GRID2: variants seen among roughly 807,000 people sequenced by gnomAD.
GRID2 encodes glutamate receptor ionotropic, delta-2.
In GRID2, 33 loss-of-function variants were observed where a neutral mutation model predicts 114.8. The ratio of observed to expected loss-of-function variants is 0.29; its 90% CI spans 0.22 to 0.38. The LOEUF is 0.38. Among genes scored for constraint, GRID2 ranks in the 10% least tolerant of loss-of-function variants. The pLI is 1.00. For missense variants in GRID2, 1,184 were observed against 1,257.7 expected (o/e 0.94, Z 0.89); for synonymous variants, 505 against 449.9 (o/e 1.12, Z -1.55).
intron 1 of GRID2, among the ~76,000 whole-genome samples, chr4:92,556,119 G>A (rs549586637): frequency 6.6e-6 from 1 of 152,280 alleles, no homozygotes; most frequent in South Asian, 2.1e-4. Flanking sequence ...GTCCTAAGGT[G>A]AGAAGGAGGG....
At chr4:92,845,989 A>G (rs1578293475) in intron 2 of GRID2, among the ~76,000 whole-genome samples, 1 of 151,896 alleles carries the variant, frequency 6.6e-6, no homozygotes, top group African/African-American at 2.4e-5. Context: ...CCTCAAAGCT[A>G]TTTAGGTTTT....
At chr4:93,037,558 T>A (rs1725042822) in intron 2 of GRID2, among the ~76,000 whole-genome samples, 1 of 152,132 alleles carries the variant, frequency 6.6e-6, no homozygotes, top group Non-Finnish European at 1.5e-5. Context: ...TCTTCTAGGG[T>A]TTTTAAGGTT....
rs552818317 is a variant in GRID2 at position 93,621,945 on chromosome 4, G to C, written c.2194-4324G>C. 5.9e-5 allele frequency among the ~76,000 whole-genome samples: 9 copies of C among 152,248 alleles called. No individual in the cohort carries two copies. The East Asian group carries it at 1.7e-3, about 29-fold the overall frequency. On this transcript the variant is annotated intron_variant, in intron 13 of 15. Coordinates refer to ENST00000282020, the MANE Select transcript of GRID2 (RefSeq NM_001510.4). The stretch of plus-strand genomic sequence containing the variant: ...TAAGTAGAGCTCTACAGTTCACAAA[G>C]CATTGACAACAATGCTAGAAAACTT...
At chr4:92,823,869 C>T (rs1420513337) in intron 2 of GRID2, among the ~76,000 whole-genome samples, 3 of 152,076 alleles carry the variant, frequency 2.0e-5, no homozygotes, top group East Asian at 1.9e-4. Flanking sequence ...CCTGACAGGT[C>T]GAACTGTTTG....
At chr4:92,653,753 A>C (rs1017624386) in intron 2 of GRID2, among the ~76,000 whole-genome samples, 3 of 152,142 alleles carry the variant, frequency 2.0e-5, no homozygotes, top group African/African-American at 7.2e-5. Flanking sequence ...CAGACAAGTC[A>C]CTAGGGGCAT....
intron 1 of GRID2, among the ~76,000 whole-genome samples, chr4:92,364,347 C>A (rs917310414): frequency 6.6e-6 from 1 of 152,038 alleles, no homozygotes; most frequent in African/African-American, 2.4e-5. Context: ...ATCACCAGAA[C>A]ACGTGTAAAA....
At chr4:93,365,215 A>G (rs1762226850) in intron 8 of GRID2, among the ~76,000 whole-genome samples, 1 of 152,108 alleles carries the variant, frequency 6.6e-6, no homozygotes, top group Non-Finnish European at 1.5e-5. Context: ...TTTAGGGTGC[A>G]ATGAGTTTTT....
At chr4:92,505,842 G>T (rs900753786) in intron 1 of GRID2, among the ~76,000 whole-genome samples, 1 of 151,884 alleles carries the variant, frequency 6.6e-6, no homozygotes, top group African/African-American at 2.4e-5. Flanking sequence ...AATAAGTATT[G>T]TTCACAAAAG....
At chr4:93,156,683 T>C (rs1017543655) in intron 4 of GRID2, among the ~76,000 whole-genome samples, 4 of 151,778 alleles carry the variant, frequency 2.6e-5, no homozygotes, top group Non-Finnish European at 5.9e-5. Flanking sequence ...GGGTAGTGAT[T>C]TTGATTTAGA....
intron 2 of GRID2, among the ~76,000 whole-genome samples, chr4:92,633,857 A>T (rs1237459545): frequency 2.0e-5 from 3 of 151,058 alleles, no homozygotes; most frequent in African/African-American, 7.3e-5. Flanking sequence ...ACTGCATTCT[A>T]CTATTTTTTT....
intron 4 of GRID2, among the ~76,000 whole-genome samples, chr4:93,139,995 C>T (rs1470973857): frequency 2.6e-5 from 4 of 151,928 alleles, no homozygotes; most frequent in Admixed American, 6.6e-5. Context: ...AGCAACATGC[C>T]GTTGCTCTCT....
chr4:93,378,192 AAT>A (rs1579880156), intron 8 of GRID2, among the ~76,000 whole-genome samples: 1 of 152,124 alleles, frequency 6.6e-6, no homozygotes, highest in African/African-American at 2.4e-5. Flanking sequence ...AAAATAATTT[AAT>A]ATGTTTAAAT....
chr4:93,660,616 G>T (rs919742120), intron 14 of GRID2, among the ~76,000 whole-genome samples: 8 of 152,200 alleles, frequency 5.3e-5, no homozygotes, highest in East Asian at 3.9e-4. Flanking sequence ...TATATTTTAA[G>T]AATCAAAGTT....
chr4:93,376,083 T>C (rs1198709027), intron 8 of GRID2, among the ~76,000 whole-genome samples: 7 of 152,126 alleles, frequency 4.6e-5, no homozygotes, highest in Non-Finnish European at 1.0e-4. Context: ...GTCTGATTAG[T>C]TTTGGGCCCA....
chr4:93,111,618 T>C (rs546294936), intron 4 of GRID2, among the ~76,000 whole-genome samples: 1 of 152,306 alleles, frequency 6.6e-6, no homozygotes, highest in Non-Finnish European at 1.5e-5. Context: ...TAAAAGTTTA[T>C]TGTCATGTCT....
intron 1 of GRID2, among the ~76,000 whole-genome samples, chr4:92,440,709 A>G (rs2110360206): frequency 6.6e-6 from 1 of 152,136 alleles, no homozygotes; most frequent in Non-Finnish European, 1.5e-5. Flanking sequence ...GCCTGGTGGA[A>G]CCGCCATCAA....
chr4:93,206,015 A>G (rs1198155495), intron 4 of GRID2, among the ~76,000 whole-genome samples: 11 of 152,082 alleles, frequency 7.2e-5, no homozygotes, highest in Admixed American at 6.6e-4. Flanking sequence ...GCATGTGTAT[A>G]CATATGTAAC....
chr4:93,543,621 T>C (rs1242174569), intron 13 of GRID2, among the ~76,000 whole-genome samples: 1 of 151,994 alleles, frequency 6.6e-6, no homozygotes, highest in Non-Finnish European at 1.5e-5. Context: ...AACTTCAATG[T>C]GTGAGAATAT....
exon 2 of GRID2, chr4:93,809,224 T>C (rs143972070): frequency 1.3e-5 from 2 of 152,280 alleles, no homozygotes; most frequent in African/African-American, 2.4e-5. Flanking sequence ...TGGCCTTCCA[T>C]TTCTGATTAT....
Sources: allele counts gnomAD v4.1 joint callset (sites outside exome capture counted in the v4.1 genomes callset), GRCh38; gene constraint gnomAD v4.1.1; transcripts MANE v1.5; gene names NCBI Gene and HGNC (gene_info 2026-07-23, HGNC 2026-07-21).